Variants in ENDOV observed in about 807,000 individuals in gnomAD.
ENDOV encodes the protein endonuclease V.
ENDOV carries 37 observed loss-of-function variants against 39.4 expected under a neutral mutation model. The observed-to-expected ratio is 0.94, with a 90% confidence interval of 0.72 to 1.23. ENDOV has a LOEUF of 1.23. Among genes scored for constraint, ENDOV ranks in the 50% most tolerant of loss-of-function variants. The probability of loss-of-function intolerance (pLI) is 0.00; values close to 1 mark genes in which losing one functional copy is unlikely to be tolerated. For synonymous variants in ENDOV, 186 were observed against 163.4 expected, an observed-to-expected ratio of 1.14 and a Z score of -1.05; for missense variants, 441 against 375.7, an observed-to-expected ratio of 1.17 and a Z score of -1.44.
intron 4 of ENDOV, among the ~76,000 whole-genome samples, chr17:80,423,059 A>G (rs1024624340): frequency 2.6e-5 from 4 of 152,194 alleles, no homozygotes; most frequent in African/African-American, 9.6e-5. Context: ...CAGCACCCAG[A>G]GAGGGCCCAG....
intron 5 of ENDOV, chr17:80,424,291 C>T (rs2082418720): frequency 2.0e-5 from 8 of 399,676 alleles, no homozygotes; most frequent in East Asian, 3.6e-5. Flanking sequence ...TTGATGGGGA[C>T]CTTAGACCCA....
intron 2 of ENDOV, chr17:80,418,528 G>A (rs544560043): frequency 9.8e-5 from 15 of 152,286 alleles, no homozygotes; most frequent in African/African-American, 2.4e-4. Context: ...TCATTGTTCC[G>A]GCTATGAAAG....
At chr17:80,432,457 A>G (rs1426604496) in intron 9 of ENDOV, among the ~76,000 whole-genome samples, 1 of 152,068 alleles carries the variant, frequency 6.6e-6, no homozygotes, top group Non-Finnish European at 1.5e-5. Context: ...GAAACCTCTG[A>G]ATGTCACCAG....
At chr17:80,431,856 A>T (rs901563804) in intron 9 of ENDOV, among the ~76,000 whole-genome samples, 1 of 152,156 alleles carries the variant, frequency 6.6e-6, no homozygotes, top group Non-Finnish European at 1.5e-5. Flanking sequence ...AGCAGACAGG[A>T]AGGGCCTTGG....
chr17:80,428,689 A>C, intron 8 of ENDOV, 29 bp downstream of exon 8: 1 of 1,557,936 alleles, frequency 6.4e-7, no homozygotes, highest in Non-Finnish European at 8.7e-7. Context: ...TGGGGCACTA[A>C]AGGGGCATCT....
At chr17:80,421,519 G>A (rs938874117) in intron 2 of ENDOV, among the ~76,000 whole-genome samples, 7 of 144,772 alleles carry the variant, frequency 4.8e-5, no homozygotes, top group Admixed American at 1.4e-4. Flanking sequence ...ACCAGGTCCC[G>A]GTGGGGGCGG....
intron 9 of ENDOV, among the ~76,000 whole-genome samples, chr17:80,433,985 C>T (rs2083468109): frequency 6.6e-6 from 1 of 152,260 alleles, no homozygotes; most frequent in Non-Finnish European, 1.5e-5. Flanking sequence ...CAATCATGTG[C>T]AACCATCATT....
chr17:80,421,765 G>C lies in ENDOV; in HGVS notation c.229-63G>C, dbSNP rs889939154. The C allele has an allele frequency of 3.2e-6, 5 of 1,545,802 alleles. No homozygotes were observed. The Admixed American group carries it at 7.7e-5, about 24-fold the overall frequency. Reference sequence around the variant, plus strand: ...GGATGAGGGGGGCAGGGCATGGACGGACTGGGGATGGAGCAGGTGGCCGAA... The same window carrying C: ...GGATGAGGGGGGCAGGGCATGGACGCACTGGGGATGGAGCAGGTGGCCGAA... On this transcript the variant is annotated intron_variant, in intron 2 of 9. Coordinates refer to ENST00000518137, the MANE Select transcript of ENDOV (RefSeq NM_173627.5).
intron 7 of ENDOV, chr17:80,427,868 C>T (rs747652122): frequency 7.2e-6 from 9 of 1,251,504 alleles, no homozygotes; most frequent in East Asian, 5.7e-5. Context: ...GTGCTGGCCC[C>T]GCCTACCGCT....
At chr17:80,419,460 G>A (rs774083796) in intron 2 of ENDOV, 18 of 638,798 alleles carry the variant, frequency 2.8e-5, no homozygotes, top group Non-Finnish European at 1.7e-5. Context: ...GATGCTGAGC[G>A]ATGGCTGGTG....
chr17:80,431,005 C>T (rs920360306), intron 9 of ENDOV, among the ~76,000 whole-genome samples: 4 of 152,202 alleles, frequency 2.6e-5, no homozygotes, highest in Non-Finnish European at 4.4e-5. Flanking sequence ...CTTGACATGC[C>T]GGCTGGCCTC....
intron 7 of ENDOV, among the ~76,000 whole-genome samples, chr17:80,428,184 T>C (rs1262266528): frequency 6.6e-6 from 1 of 152,160 alleles, no homozygotes; most frequent in Non-Finnish European, 1.5e-5. Context: ...CCAGCTGGGC[T>C]CAGAGCCCCC....
chr17:80,418,099 G>A (rs1274854461), intron 2 of ENDOV: 1 of 152,166 alleles, frequency 6.6e-6, no homozygotes, highest in Non-Finnish European at 1.5e-5. Flanking sequence ...CCATTGTGTA[G>A]GCTAGCATAG....
In ENDOV at chr17:80,415,649, G is replaced by T; in HGVS notation, c.57-1G>T. Reference sequence around the variant, plus strand: ...CAAGTTTGACGCTTCTGTCCTCCTAGGGAGCAAGCTCGGCTGAAGGCCCAC... The same window carrying T: ...CAAGTTTGACGCTTCTGTCCTCCTATGGAGCAAGCTCGGCTGAAGGCCCAC... On this transcript the variant is annotated splice_acceptor_variant, in intron 1 of 9. Coordinates refer to ENST00000518137, the MANE Select transcript of ENDOV (RefSeq NM_173627.5). LOFTEE classifies it high-confidence loss of function. 1 of 1,611,828 alleles carries T rather than the reference G, an allele frequency of 6.2e-7. No individual in the cohort carries two copies.
chr17:80,415,884 G>A (rs931622904), intron 2 of ENDOV, 63 bp downstream of exon 2: 2 of 1,532,550 alleles, frequency 1.3e-6, no homozygotes, highest in Non-Finnish European at 1.8e-6. Context: ...TGCGGTCTCC[G>A]GGACAGGGAG....
chr17:80,415,203 G>C lies in ENDOV; in HGVS notation c.9G>C (p.Leu3=), dbSNP rs376238774. The change falls in exon 1 of 10, where the codon CTG becomes CTC. Residue 3 remains leucine (L), a synonymous_variant. Transcript: ENST00000518137. The part of the protein sequence containing the change: MA[L]EAAGGPPEET... ...GTGCCCGGGACGAAGCCATGGCCCT[G>C]GAGGCGGCGGGAGGGCCGCCGGAGG... 713 of 1,613,236 alleles carry C rather than the reference G, an allele frequency of 4.4e-4. 3 individuals are homozygous for C. The African/African-American group carries it at 7.2e-3, about 16-fold the overall frequency.
intron 2 of ENDOV, chr17:80,419,743 C>T (rs1298876022): frequency 1.4e-6 from 1 of 692,784 alleles, no homozygotes; most frequent in African/African-American, 1.8e-5. Flanking sequence ...CTGGTCATGC[C>T]CTCCGTTCAC....
intron 2 of ENDOV, chr17:80,419,998 TCCCCCCAAA>T: frequency 3.2e-6 from 1 of 310,870 alleles, no homozygotes; most frequent in Non-Finnish European, 6.2e-6. Flanking sequence ...TGTACATACA[TCCCCCCAAA>T]TTGGAAAAGG....
At position 80,415,643 on chromosome 17, in the gene ENDOV, C is replaced by G; in HGVS notation, c.57-7C>G. 1 of 1,568,834 alleles carries G rather than the reference C, an allele frequency of 6.4e-7. No individual in the cohort carries two copies. Among genetic ancestry groups the G allele is most frequent in the Non-Finnish European group, 8.7e-7 (1 of 1,147,576 alleles). The stretch of plus-strand genomic sequence containing the variant: ...CCCGACCAAGTTTGACGCTTCTGTC[C>G]TCCTAGGGAGCAAGCTCGGCTGAAG... On this transcript the variant is annotated splice_polypyrimidine_tract_variant and splice_region_variant and intron_variant, in intron 1 of 9. Transcript: ENST00000518137.
Sources: gnomAD v4.1 joint callset for allele counts (sites outside exome capture counted in the v4.1 genomes callset) on GRCh38, gnomAD v4.1.1 for gene constraint, MANE v1.5 for transcripts, NCBI Gene and HGNC (gene_info 2026-07-23, HGNC 2026-07-21) for gene names.